The following RABL3 variants were observed in gnomAD, a reference collection of about 807,000 sequenced individuals.
The protein encoded by RABL3 is RAB, member of RAS oncogene family like 3.
RABL3 carries 31 observed loss-of-function variants against 31.8 expected under a neutral mutation model. The observed-to-expected ratio is 0.97, with a 90% CI of 0.73 to 1.31. The LOEUF is 1.31. Ranked by LOEUF, RABL3 falls within the 40% of genes most tolerant of loss-of-function variation. The probability of loss-of-function intolerance (pLI) is 0.00; values close to 1 mark genes in which losing one functional copy is unlikely to be tolerated. For synonymous variants in RABL3, 97 were observed against 99.9 expected (o/e 0.97, Z 0.18); for missense variants, 263 against 279.6 (o/e 0.94, Z 0.42).
intron 3 of RABL3, among the ~76,000 whole-genome samples, chr3:120,707,529 A>G (rs1708562878): frequency 6.6e-6 from 1 of 152,138 alleles, no homozygotes; most frequent in African/African-American, 2.4e-5. Context: ...AGTTCAGAGA[A>G]GTAGAGTAAC....
intron 1 of RABL3, 124 bp from the exon 2 acceptor site, chr3:120,730,911 A>G (rs1708875322): frequency 2.9e-6 from 2 of 689,400 alleles, no homozygotes; most frequent in East Asian, 5.4e-5. Flanking sequence ...ATGCCATACC[A>G]ACAATATAAG....
chr3:120,731,246 C>T (rs1708878830), intron 1 of RABL3, among the ~76,000 whole-genome samples: 1 of 152,196 alleles, frequency 6.6e-6, no homozygotes, highest in Non-Finnish European at 1.5e-5. Flanking sequence ...CTCCTGCACA[C>T]CAATGCTGAG....
At chr3:120,739,275 G>T (rs1433882324) in intron 1 of RABL3, among the ~76,000 whole-genome samples, 1 of 152,096 alleles carries the variant, frequency 6.6e-6, no homozygotes, top group African/African-American at 2.4e-5. Context: ...TACTTGGGAG[G>T]CTGAGGCAAG....
At chr3:120,703,180 C>T (rs747231764) in intron 4 of RABL3, among the ~76,000 whole-genome samples, 3 of 152,122 alleles carry the variant, frequency 2.0e-5, no homozygotes, top group Admixed American at 6.5e-5. Flanking sequence ...ACAACAGAGA[C>T]AACAACACCC....
rs1461856973 is a variant in RABL3 at position 120,685,101 on chromosome 3, A to C, written c.*4722T>G. 6.6e-6 allele frequency among the ~76,000 whole-genome samples: 1 copy of C among 152,232 alleles called. No homozygotes were observed. Among genetic ancestry groups the C allele is most frequent in the Non-Finnish European group, 1.5e-5 (1 of 68,046 alleles). On this transcript the variant is annotated 3_prime_UTR_variant, in exon 8 of 8. Coordinates refer to ENST00000273375, the MANE Select transcript of RABL3 (RefSeq NM_173825.5). Reference sequence around the variant, plus strand: ...GTGGGCACGTAGCCCAGACGAGCAGAGCCAGGGAGGGCTTCCCAGAGAAGA... The same window carrying C: ...GTGGGCACGTAGCCCAGACGAGCAGCGCCAGGGAGGGCTTCCCAGAGAAGA...
At chr3:120,732,602 T>C (rs1036488431) in intron 1 of RABL3, among the ~76,000 whole-genome samples, 2 of 152,174 alleles carry the variant, frequency 1.3e-5, no homozygotes, top group Non-Finnish European at 2.9e-5. Flanking sequence ...CTAGGGTACA[T>C]GTGCACAATG....
At chr3:120,733,674 T>A (rs1302604514) in intron 1 of RABL3, among the ~76,000 whole-genome samples, 2 of 152,142 alleles carry the variant, frequency 1.3e-5, no homozygotes, top group East Asian at 1.9e-4. Context: ...TCTTCTAGGG[T>A]TTTTATGGTT....
chr3:120,709,922 T>C lies in RABL3; in HGVS notation c.139-13A>G, dbSNP rs2107582923. The stretch of plus-strand genomic sequence containing the variant: ...TGTAATCATGAACCTAACAAATCAA[T>C]CAATTAAAATAATTAATATAGCCAC... On this transcript the variant is annotated splice_polypyrimidine_tract_variant and intron_variant, in intron 2 of 7. Coordinates refer to ENST00000273375, the MANE Select transcript of RABL3 (RefSeq NM_173825.5). 1 of 1,572,420 alleles carries C rather than the reference T, an allele frequency of 6.4e-7. No individual in the cohort carries two copies. Among genetic ancestry groups the C allele is most frequent in the Non-Finnish European group, 8.6e-7 (1 of 1,157,058 alleles).
rs536475547 is a variant in RABL3, at chr3:120,721,178, G to A, written c.138+9518C>T. On this transcript the variant is annotated intron_variant, in intron 2 of 7. Transcript: ENST00000273375. Reference sequence around the variant, plus strand: ...CCAGGCCTGCCCTAAAAGAGTTCCTGAAGGAAGCACTAAATATGGAAAGGA... The same window carrying A: ...CCAGGCCTGCCCTAAAAGAGTTCCTAAAGGAAGCACTAAATATGGAAAGGA... Among the ~76,000 whole-genome samples, 122 of 152,302 alleles carry A rather than the reference G, an allele frequency of 8.0e-4. 1 individual carries two copies. The highest frequency in any genetic ancestry group is 2.8e-3 in the African/African-American group (118 of 41,568).
At chr3:120,718,550 T>C (rs1390720361) in intron 2 of RABL3, among the ~76,000 whole-genome samples, 1 of 152,254 alleles carries the variant, frequency 6.6e-6, no homozygotes, top group African/African-American at 2.4e-5. Context: ...TCTCAAGGCA[T>C]TATTCACCTA....
chr3:120,742,598 GC>G (rs1709061994), upstream of RABL3: 2 of 1,243,774 alleles, frequency 1.6e-6, no homozygotes, highest in Non-Finnish European at 1.2e-6. Context: ...AATTTCATTG[GC>G]CACTCGGAGC....
At position 120,736,127 on chromosome 3, in the gene RABL3, T is replaced by C. The variant is rs184303712; in HGVS notation, c.47-5340A>G. 3.3e-5 allele frequency among the ~76,000 whole-genome samples: 5 copies of C among 152,336 alleles called. No homozygotes were observed. The East Asian group carries it at 9.6e-4, about 29-fold the overall frequency. On this transcript the variant is annotated intron_variant, in intron 1 of 7. Transcript: ENST00000273375. ...TAACTTTCTGTCTTGTTGATCTGTCTAATGTTGACAGTGGGGTGTTAAAGT... is the reference window on the plus strand; with the variant it reads ...TAACTTTCTGTCTTGTTGATCTGTCCAATGTTGACAGTGGGGTGTTAAAGT...
intron 2 of RABL3, among the ~76,000 whole-genome samples, chr3:120,727,264 G>GT (rs1445151910): frequency 6.6e-6 from 1 of 152,046 alleles, no homozygotes; most frequent in Non-Finnish European, 1.5e-5. Flanking sequence ...GATCAAGAAA[G>GT]TAAGAGAAAA....
At chr3:120,728,149 G>C (rs143865383) in intron 2 of RABL3, among the ~76,000 whole-genome samples, 205 of 152,212 alleles carry the variant, frequency 1.3e-3, no homozygotes, top group African/African-American at 4.7e-3. Context: ...GCACTGGGTG[G>C]GGATAGGAAA....
In RABL3 at chr3:120,702,469, C is replaced by T. The variant is rs574680733; in HGVS notation, c.383+3531G>A. Among the ~76,000 whole-genome samples the T allele has an allele frequency of 5.9e-5, 9 of 152,250 alleles. No individual in the cohort carries two copies. The South Asian group carries it at 1.7e-3, about 28-fold the overall frequency. ...GATGGTAATGCTCACTCACCTGCCA[C>T]TCACCTCCCACTGTGTGGCCTGGTT... On this transcript the variant is annotated intron_variant, in intron 4 of 7. Coordinates refer to ENST00000273375, the MANE Select transcript of RABL3 (RefSeq NM_173825.5).
chr3:120,736,147 TAA>T (rs1223988929), intron 1 of RABL3, among the ~76,000 whole-genome samples: 1 of 152,188 alleles, frequency 6.6e-6, no homozygotes, highest in Non-Finnish European at 1.5e-5. Context: ...AGTGGGGTGT[TAA>T]AGTCTCCCAT....
intron 2 of RABL3, among the ~76,000 whole-genome samples, chr3:120,720,447 G>C (rs1254063894): frequency 6.6e-6 from 1 of 152,156 alleles, no homozygotes; most frequent in Non-Finnish European, 1.5e-5. Context: ...AAAAAGATTA[G>C]ATGAAAGGCT....
intron 1 of RABL3, among the ~76,000 whole-genome samples, chr3:120,737,881 T>G (rs999473061): frequency 2.0e-5 from 3 of 152,224 alleles, no homozygotes; most frequent in African/African-American, 7.2e-5. Flanking sequence ...CATTCATTCC[T>G]CTGGAAGCTT....
chr3:120,737,102 T>A (rs997859893), intron 1 of RABL3, among the ~76,000 whole-genome samples: 1 of 152,244 alleles, frequency 6.6e-6, no homozygotes, highest in Non-Finnish European at 1.5e-5. Context: ...TTCTCCTGGA[T>A]AATATCCTGC....
Sources: allele counts gnomAD v4.1 joint callset (sites outside exome capture counted in the v4.1 genomes callset), GRCh38; gene constraint gnomAD v4.1.1; transcripts MANE v1.5; gene names NCBI Gene and HGNC (gene_info 2026-07-23, HGNC 2026-07-21).